Variants in FRY observed in about 807,000 individuals in gnomAD.
The protein encoded by FRY is protein furry homolog.
Under a neutral mutation model 348.4 loss-of-function variants are expected in FRY, and 128 were observed. The ratio of observed to expected loss-of-function variants is 0.37; its 90% CI spans 0.32 to 0.43. The LOEUF (loss-of-function observed/expected upper bound fraction) is 0.43, where lower values mean the gene tolerates loss of function less well. Among genes scored for constraint, FRY ranks in the 20% least tolerant of loss-of-function variants. The pLI, the probability that FRY is intolerant of heterozygous loss-of-function variation, is 1.00. For synonymous variants in FRY, 1,370 were observed against 1,374.7 expected (o/e 1.00, Z 0.08); for missense variants, 2,736 against 3,695.2 (o/e 0.74, Z 6.73).
At chr13:32,155,908 C>A (rs1480366205) in intron 15 of FRY, among the ~76,000 whole-genome samples, 1 of 152,080 alleles carries the variant, frequency 6.6e-6, no homozygotes, top group Non-Finnish European at 1.5e-5. Flanking sequence ...CTTTTTAAAG[C>A]CTCTAATAAT....
chr13:32,049,996 C>T (rs749490643), intron 1 of FRY, among the ~76,000 whole-genome samples: 2 of 152,116 alleles, frequency 1.3e-5, no homozygotes, highest in Non-Finnish European at 2.9e-5. Flanking sequence ...AAGGTGATGG[C>T]GGGGTTCTCT....
chr13:32,179,807 A>G lies in FRY; in HGVS notation c.2996+8A>G, dbSNP rs1310554362. 6 of 1,611,964 alleles carry G rather than the reference A, an allele frequency of 3.7e-6. No homozygotes were observed. The highest frequency in any genetic ancestry group is 5.1e-6 in the Non-Finnish European group (6 of 1,178,172). On this transcript the variant is annotated splice_region_variant and intron_variant, in intron 23 of 60. Transcript: ENST00000542859. ...AAATTCCCTTGTTTTCAGGTACAGT[A>G]GTCTTAATGAGTTGTTCTAAATTCA...
intron 1 of FRY, among the ~76,000 whole-genome samples, chr13:32,067,036 T>C (rs1254693630): frequency 6.6e-6 from 1 of 152,198 alleles, no homozygotes; most frequent in Non-Finnish European, 1.5e-5. Flanking sequence ...CAAGAGATAG[T>C]CTTGTTTTTG....
intron 7 of FRY, among the ~76,000 whole-genome samples, chr13:32,127,048 G>T (rs1488093078): frequency 1.3e-5 from 2 of 152,058 alleles, no homozygotes; most frequent in African/African-American, 2.4e-5. Flanking sequence ...TTAGGGAAAA[G>T]AATTTTGATA....
At position 32,206,505 on chromosome 13, in the gene FRY, G is replaced by A. The variant is rs1884355592; in HGVS notation, c.4019-2348G>A. Among the ~76,000 whole-genome samples the A allele has an allele frequency of 3.9e-5, 6 of 152,190 alleles. No individual in the cohort carries two copies. The South Asian group carries it at 1.2e-3, about 31-fold the overall frequency. On this transcript the variant is annotated intron_variant, in intron 31 of 60. Transcript: ENST00000542859. ...AGTGGCCTGGCTGAGAAAGAATGTA[G>A]AAAGAGAGGCTGGCCCTCCAGTGGG...
At chr13:32,070,746 T>C (rs112987018) in intron 1 of FRY, among the ~76,000 whole-genome samples, 1 of 152,336 alleles carries the variant, frequency 6.6e-6, no homozygotes, top group East Asian at 1.9e-4. Context: ...TTGGCTTTTG[T>C]TGCCATTACT....
chr13:32,043,285 C>T (rs1872841404), intron 1 of FRY, among the ~76,000 whole-genome samples: 2 of 152,172 alleles, frequency 1.3e-5, no homozygotes, highest in Non-Finnish European at 2.9e-5. Flanking sequence ...TATGGGAGTA[C>T]AATTCAAGAT....
At chr13:32,181,830 T>G (rs1566115804) in intron 23 of FRY, among the ~76,000 whole-genome samples, 1 of 152,172 alleles carries the variant, frequency 6.6e-6, no homozygotes, top group Non-Finnish European at 1.5e-5. Flanking sequence ...CTGTCTAATT[T>G]TTTAAATGTT....
intron 8 of FRY, among the ~76,000 whole-genome samples, chr13:32,133,038 G>A (rs1879465703): frequency 6.6e-6 from 1 of 152,140 alleles, no homozygotes; most frequent in Non-Finnish European, 1.5e-5. Flanking sequence ...CTGGGGATGG[G>A]GAGTGGATAG....
At chr13:32,235,486 TG>T (rs1270282287) in intron 42 of FRY, among the ~76,000 whole-genome samples, 2 of 152,126 alleles carry the variant, frequency 1.3e-5, no homozygotes, top group Non-Finnish European at 2.9e-5. Context: ...TAGCTAGGCG[TG>T]GTAGCACACG....
At chr13:32,292,790 CAATAAATAAATAAATA>C (rs111702874) in intron 59 of FRY, among the ~76,000 whole-genome samples, 3 of 141,016 alleles carry the variant, frequency 2.1e-5, no homozygotes, top group African/African-American at 7.9e-5. Context: ...GACTCCATCT[CAATAAATAAATAAATA>C]AATAAATAAA....
rs775630747 is a variant in FRY, at chr13:32,267,196, C to T, written c.7973C>T (p.Ser2658Phe). Reference sequence around the variant, plus strand: ...TTTGGAGAAGGTGACAGGGGAGTCTCTCCCCCTCCCTCGCCCTTCTTCTCA... The same window carrying T: ...TTTGGAGAAGGTGACAGGGGAGTCTTTCCCCCTCCCTCGCCCTTCTTCTCA... ...ASFGEGDRGV[S>F]PPPSPFFSAI... The change falls in exon 55 of 61, where the codon TCT becomes TTT. Residue 2658 changes from serine to phenylalanine, a missense_variant. Transcript: ENST00000542859. 6.2e-7 allele frequency: 1 copy of T among 1,613,586 alleles called. No homozygotes were observed. Among genetic ancestry groups the T allele is most frequent in the Admixed American group, 1.7e-5 (1 of 60,000 alleles).
intron 31 of FRY, among the ~76,000 whole-genome samples, chr13:32,205,121 T>C (rs955667758): frequency 3.5e-5 from 5 of 143,128 alleles, no homozygotes; most frequent in African/African-American, 1.3e-4. Flanking sequence ...AAAAATTACT[T>C]GAACCCAAGA....
Position 32,278,515 on chromosome 13 carries a change from A to C in FRY, c.8436A>C (p.Val2812=), listed in dbSNP as rs1888651592. 6.3e-7 allele frequency: 1 copy of C among 1,598,146 alleles called. No individual in the cohort carries two copies. Among genetic ancestry groups the C allele is most frequent in the Non-Finnish European group, 8.6e-7 (1 of 1,165,576 alleles). The change falls in exon 58 of 61, where the codon GTA becomes GTC. Residue 2812 remains valine (V), a synonymous_variant. Transcript: ENST00000542859. The part of the protein sequence containing the change: ...ATFAGGSRDG[V]ITCQPGDSEE... ...TTGCAGGGGGATCAAGAGATGGAGT[A>C]ATTACCTGTCAACCAGGGGACTCCG...
In FRY at chr13:32,175,469, T is replaced by C. The variant is rs926662800; in HGVS notation, c.2335-77T>C. On this transcript the variant is annotated intron_variant, in intron 19 of 60. Coordinates refer to ENST00000542859, the MANE Select transcript of FRY (RefSeq NM_023037.3). Reference sequence around the variant, plus strand: ...CTATCTCACAAGCTGTTCTGCTTCATGTATCAGACGAAGGCGGTGGGGTGG... The same window carrying C: ...CTATCTCACAAGCTGTTCTGCTTCACGTATCAGACGAAGGCGGTGGGGTGG... 9 of 870,698 alleles carry C rather than the reference T, an allele frequency of 1.0e-5. No individual in the cohort carries two copies. The African/African-American group carries it at 1.3e-4, about 13-fold the overall frequency. The allele number at this position is 870,698 out of a possible 1,614,324, so 53.9% of individuals were successfully genotyped here. A position where few individuals can be genotyped will look rare whatever the true frequency, so the allele number is the denominator to read the frequency against.
chr13:32,208,959 C>G lies in FRY; in HGVS notation c.4125C>G (p.Leu1375=). 6.2e-7 allele frequency: 1 copy of G among 1,614,180 alleles called. No individual in the cohort carries two copies. The highest frequency in any genetic ancestry group is 8.5e-7 in the Non-Finnish European group (1 of 1,180,028). ...TCGAGCTGGTGGACAGCAGGCTCCT[C>G]CTCCCGGGGTCGAGCCCCAGCAGCC... is the stretch of plus-strand genomic sequence containing the variant. The part of the protein sequence containing the change: ...HNIELVDSRL[L]LPGSSPSSPE... The change falls in exon 32 of 61, where the codon CTC becomes CTG. Residue 1375 remains leucine, a synonymous_variant. Transcript: ENST00000542859.
intron 59 of FRY, among the ~76,000 whole-genome samples, chr13:32,290,000 G>C (rs977726417): frequency 1.3e-5 from 2 of 152,116 alleles, no homozygotes; most frequent in Admixed American, 1.3e-4. Context: ...TGTGGGTTAC[G>C]GCCTAGGTGC....
chr13:32,161,010 A>G (rs958126610), intron 16 of FRY, 134 bp from the exon 17 acceptor site: 4 of 685,330 alleles, frequency 5.8e-6, no homozygotes, highest in Non-Finnish European at 1.1e-5. Context: ...TAAACATTTG[A>G]GAGTAATATG....
chr13:32,188,405 T>A (rs1428114450), intron 28 of FRY, among the ~76,000 whole-genome samples: 1 of 152,118 alleles, frequency 6.6e-6, no homozygotes, highest in Non-Finnish European at 1.5e-5. Flanking sequence ...AAATCAGAAC[T>A]GTAAGATGGA....
Sources: gnomAD v4.1 joint callset for allele counts (sites outside exome capture counted in the v4.1 genomes callset) on GRCh38, gnomAD v4.1.1 for gene constraint, MANE v1.5 for transcripts, NCBI Gene and HGNC (gene_info 2026-07-23, HGNC 2026-07-21) for gene names.